The following OTUD7A variants were observed in gnomAD, a reference collection of about 807,000 sequenced individuals.
OTUD7A encodes OTU deubiquitinase 7A.
OTUD7A carries 12 observed loss-of-function variants against 65.7 expected under a neutral mutation model. The observed-to-expected ratio is 0.18, with a 90% CI of 0.12 to 0.30. The LOEUF is 0.30. Among genes scored for constraint, OTUD7A ranks in the 10% least tolerant of loss-of-function variants. OTUD7A has a pLI of 1.00. For synonymous variants in OTUD7A, 641 were observed against 586.3 expected (o/e 1.09, Z -1.35); for missense variants, 1,148 against 1,304.8 (o/e 0.88, Z 1.85).
At chr15:31,615,049 G>A (rs1890545035) in intron 3 of OTUD7A, among the ~76,000 whole-genome samples, 1 of 152,098 alleles carries the variant, frequency 6.6e-6, no homozygotes, top group African/African-American at 2.4e-5. Flanking sequence ...TAAATACTTT[G>A]ATTTATACAA....
intron 1 of OTUD7A, among the ~76,000 whole-genome samples, chr15:31,829,595 G>T (rs1324598705): frequency 6.6e-6 from 1 of 152,166 alleles, no homozygotes; most frequent in African/African-American, 2.4e-5. Context: ...TAAATGCATG[G>T]ACACTGCAGA....
Position 31,483,506 on chromosome 15 carries a change from C to T in OTUD7A, c.2590G>A (p.Ala864Thr). ...KSQTYTNGFG[A>T]LRDGLEFADA... ...GCGAACTCCAGGCCGTCGCGCAGGG[C>T]GCCGAAGCCGTTGGTGTAGGTCTGC... The change falls in exon 13 of 13, where the codon GCC (alanine) becomes ACC (threonine). Residue 864 changes from alanine (A) to threonine (T), a missense_variant. By Grantham distance (58) the Ala-to-Thr change is moderately conservative. This residue lies in a region of OTUD7A where 842 missense variants were observed against 769.5 expected (regional missense o/e 1.09). Coordinates refer to ENST00000307050, the MANE Select transcript of OTUD7A (RefSeq NM_001382637.1). The T allele has an allele frequency of 7.2e-7, 1 of 1,395,360 alleles. No individual in the cohort carries two copies. Among genetic ancestry groups the T allele is most frequent in the South Asian group, 1.4e-5 (1 of 72,428 alleles). 86.4% of individuals were successfully genotyped at this position (1,395,360 alleles called of 1,614,324 possible).
chr15:31,829,180 G>A (rs1210643697), intron 1 of OTUD7A, among the ~76,000 whole-genome samples: 1 of 152,228 alleles, frequency 6.6e-6, no homozygotes, highest in Non-Finnish European at 1.5e-5. Context: ...CTAGAGACAT[G>A]AAGACACCCT....
intron 1 of OTUD7A, among the ~76,000 whole-genome samples, chr15:31,727,910 C>T (rs1040180840): frequency 1.3e-5 from 2 of 152,192 alleles, no homozygotes; most frequent in Non-Finnish European, 2.9e-5. Context: ...GGGCTCCACT[C>T]TGAGCTCCTT....
At chr15:31,629,533 A>G (rs1365151994) in intron 3 of OTUD7A, among the ~76,000 whole-genome samples, 1 of 152,284 alleles carries the variant, frequency 6.6e-6, no homozygotes, top group East Asian at 1.9e-4. Context: ...ATGTTCATCA[A>G]GGATATTCAG....
intron 7 of OTUD7A, 30 bp downstream of exon 7, chr15:31,527,151 C>T (rs761495238): frequency 1.2e-5 from 20 of 1,613,110 alleles, no homozygotes; most frequent in African/African-American, 8.0e-5. Context: ...GCCTGGGTCC[C>T]GGGCTCTGGC....
chr15:31,625,294 T>G (rs1890918151), intron 3 of OTUD7A, among the ~76,000 whole-genome samples: 1 of 152,008 alleles, frequency 6.6e-6, no homozygotes, highest in African/African-American at 2.4e-5. Flanking sequence ...GCCTCAGAAA[T>G]GGTGTAAGAA....
At chr15:31,635,310 C>T (rs1295806095) in intron 3 of OTUD7A, among the ~76,000 whole-genome samples, 1 of 152,214 alleles carries the variant, frequency 6.6e-6, no homozygotes, top group Non-Finnish European at 1.5e-5. Flanking sequence ...TACAGGTCAC[C>T]TTGCTCACTG....
Position 31,870,511 on chromosome 15 carries a change from C to A in OTUD7A, c.-104G>T, listed in dbSNP as rs904149406. The A allele has an allele frequency of 2.0e-5, 3 of 148,364 alleles. No individual in the cohort carries two copies. The highest frequency in any genetic ancestry group is 4.5e-5 in the Non-Finnish European group (3 of 66,708). 9.2% of individuals were successfully genotyped at this position (148,364 alleles called of 1,614,324 possible). ...CCGCGGCCAGCGCCGTCTTACCTGC[C>A]GCGCCGCGCCGCTCCGCTCCGCCAG... is the stretch of plus-strand genomic sequence containing the variant. On this transcript the variant is annotated 5_prime_UTR_variant, in exon 1 of 13. Coordinates refer to ENST00000307050, the MANE Select transcript of OTUD7A (RefSeq NM_001382637.1).
At chr15:31,831,322 T>C (rs950793199) in intron 1 of OTUD7A, among the ~76,000 whole-genome samples, 2 of 152,206 alleles carry the variant, frequency 1.3e-5, no homozygotes, top group African/African-American at 2.4e-5. Context: ...AAAATTTTAC[T>C]TCCCCAAAAA....
chr15:31,836,447 T>C (rs1370721739), intron 1 of OTUD7A, among the ~76,000 whole-genome samples: 3 of 152,226 alleles, frequency 2.0e-5, no homozygotes, highest in African/African-American at 7.2e-5. Context: ...ATTTACAGTA[T>C]GGAATTTAAC....
chr15:31,870,043 G>T (rs1897984249), intron 1 of OTUD7A, among the ~76,000 whole-genome samples: 1 of 150,966 alleles, frequency 6.6e-6, no homozygotes, highest in Non-Finnish European at 1.5e-5. Context: ...CCCGGCGAGC[G>T]GCCTCGCGCG....
intron 3 of OTUD7A, among the ~76,000 whole-genome samples, chr15:31,633,030 T>C (rs563179763): frequency 4.0e-4 from 61 of 152,300 alleles, no homozygotes; most frequent in African/African-American, 1.3e-3. Context: ...GTCACCCCTT[T>C]CTTTGACTAG....
intron 1 of OTUD7A, among the ~76,000 whole-genome samples, chr15:31,796,608 C>T (rs571012920): frequency 6.6e-6 from 1 of 152,174 alleles, no homozygotes; most frequent in Non-Finnish European, 1.5e-5. Flanking sequence ...AATTTAATCA[C>T]CGTGATTGTT....
At chr15:31,836,099 T>C (rs2140988604) in intron 1 of OTUD7A, among the ~76,000 whole-genome samples, 1 of 152,228 alleles carries the variant, frequency 6.6e-6, no homozygotes, top group East Asian at 1.9e-4. Context: ...ACTCAATATT[T>C]AAAGCATATC....
chr15:31,587,569 G>A (rs1376779013), intron 3 of OTUD7A, among the ~76,000 whole-genome samples: 1 of 151,936 alleles, frequency 6.6e-6, no homozygotes, highest in Non-Finnish European at 1.5e-5. Context: ...TGAACCCAGG[G>A]GGAGAGGTTG....
intron 4 of OTUD7A, among the ~76,000 whole-genome samples, chr15:31,563,190 G>A (rs1352765768): frequency 6.6e-6 from 1 of 152,136 alleles, no homozygotes; most frequent in African/African-American, 2.4e-5. Context: ...TGTACCAGGA[G>A]GATAAGATAA....
intron 1 of OTUD7A, among the ~76,000 whole-genome samples, chr15:31,713,386 G>C (rs1231812914): frequency 2.6e-5 from 4 of 152,222 alleles, no homozygotes; most frequent in Admixed American, 6.5e-5. Flanking sequence ...TGGGAGGCTG[G>C]GGCGAGCAGA....
At chr15:31,558,789 A>C (rs995303015) in intron 5 of OTUD7A, 180 bp downstream of exon 5, 1 of 675,482 alleles carries the variant, frequency 1.5e-6, no homozygotes, top group African/African-American at 1.8e-5. Flanking sequence ...CATCCAGCCC[A>C]TGCTGGCTAG....
Sources: allele counts gnomAD v4.1 joint callset (sites outside exome capture counted in the v4.1 genomes callset), GRCh38; gene constraint gnomAD v4.1.1; regional missense constraint gnomAD v4.1.1; transcripts MANE v1.5; gene names NCBI Gene and HGNC (gene_info 2026-07-23, HGNC 2026-07-21).